Variants in ARHGEF38 observed in about 807,000 individuals in gnomAD.
ARHGEF38 encodes the protein Rho guanine nucleotide exchange factor 38.
In ARHGEF38, 79 loss-of-function variants were observed where a neutral mutation model predicts 79.9. That is an observed-to-expected ratio of 0.99 (90% CI 0.82 to 1.19). ARHGEF38 has a LOEUF of 1.19. Ranked by LOEUF, ARHGEF38 falls within the 50% of genes most tolerant of loss-of-function variation. The pLI is 0.00. For synonymous variants in ARHGEF38, 366 were observed against 328.3 expected (o/e 1.11, Z -1.24); for missense variants, 962 against 907.2 (o/e 1.06, Z -0.78).
chr4:105,602,367 C>T (rs1727861101), intron 2 of ARHGEF38, among the ~76,000 whole-genome samples: 2 of 151,970 alleles, frequency 1.3e-5, no homozygotes, highest in African/African-American at 4.8e-5. Flanking sequence ...TGTTTTAAAA[C>T]AGAGGAATTT....
At chr4:105,631,214 T>G in intron 4 of ARHGEF38, 169 bp downstream of exon 4, 1 of 1,261,406 alleles carries the variant, frequency 7.9e-7, no homozygotes, top group Non-Finnish European at 1.0e-6. Context: ...GAAGCCCTGA[T>G]TGACTTTTTT....
intron 1 of ARHGEF38, among the ~76,000 whole-genome samples, chr4:105,576,350 A>G (rs1578270256): frequency 6.6e-6 from 1 of 150,430 alleles, no homozygotes; most frequent in African/African-American, 2.4e-5. Flanking sequence ...TTCTCTTTGT[A>G]GAGAATTTTC....
chr4:105,619,757 A>G (rs942311047), intron 3 of ARHGEF38, among the ~76,000 whole-genome samples: 1 of 152,210 alleles, frequency 6.6e-6, no homozygotes, highest in Admixed American at 6.5e-5. Context: ...AGTGCCGAGA[A>G]GGCCTCTCTG....
rs1731182679 is a variant in ARHGEF38 at position 105,678,062 on chromosome 4, G to T, written c.*125G>T. On this transcript the variant is annotated 3_prime_UTR_variant, in exon 14 of 14. Transcript: ENST00000420470. ...GAACTACAGAAACTGATACTGTACT[G>T]GGTTTTCAGGAATACTGTACTTCCT... is the stretch of plus-strand genomic sequence containing the variant. 7.1e-6 allele frequency: 5 copies of T among 702,634 alleles called. No homozygotes were observed. In the Admixed American group the frequency reaches 9.9e-5, roughly 14 times the overall value. The allele number at this position is 702,634 out of a possible 1,614,324, so 43.5% of individuals were successfully genotyped here. A position where few individuals can be genotyped will look rare whatever the true frequency, so the allele number is the denominator to read the frequency against.
intron 9 of ARHGEF38, among the ~76,000 whole-genome samples, chr4:105,658,186 T>C (rs1468008529): frequency 1.3e-5 from 2 of 152,078 alleles, no homozygotes; most frequent in Admixed American, 1.3e-4. Context: ...GGTGAGAGGA[T>C]TGCTTGAGCC....
intron 2 of ARHGEF38, among the ~76,000 whole-genome samples, chr4:105,604,100 G>A (rs1003672245): frequency 2.6e-5 from 4 of 152,244 alleles, no homozygotes; most frequent in African/African-American, 4.8e-5. Context: ...AGTGCCATGC[G>A]GCAGGAGGCA....
chr4:105,576,331 G>A (rs1012177570), intron 1 of ARHGEF38, among the ~76,000 whole-genome samples: 7 of 150,100 alleles, frequency 4.7e-5, no homozygotes, highest in South Asian at 2.1e-4. Flanking sequence ...TTTCAGCAGT[G>A]TTTTGTAGTT....
At chr4:105,555,560 C>T (rs1252745690) in intron 1 of ARHGEF38, among the ~76,000 whole-genome samples, 1 of 151,958 alleles carries the variant, frequency 6.6e-6, no homozygotes, top group Non-Finnish European at 1.5e-5. Context: ...ACTGGTGGTC[C>T]CTGGGAGGCA....
intron 1 of ARHGEF38, among the ~76,000 whole-genome samples, chr4:105,577,999 C>T (rs995808507): frequency 1.3e-5 from 2 of 151,860 alleles, no homozygotes; most frequent in Non-Finnish European, 2.9e-5. Context: ...TCTCTAGTTC[C>T]TTAAGGTGTA....
At chr4:105,556,460 A>G (rs1260418924) in intron 1 of ARHGEF38, among the ~76,000 whole-genome samples, 3 of 152,178 alleles carry the variant, frequency 2.0e-5, no homozygotes, top group East Asian at 3.8e-4. Flanking sequence ...TCAGGACTGC[A>G]TGAAGGAGGT....
At chr4:105,622,001 A>G (rs1432574673) in intron 3 of ARHGEF38, among the ~76,000 whole-genome samples, 1 of 152,172 alleles carries the variant, frequency 6.6e-6, no homozygotes, top group Non-Finnish European at 1.5e-5. Flanking sequence ...CCTCACAAGA[A>G]AGAAAAAATC....
At chr4:105,655,311 T>G (rs1730276022) in intron 8 of ARHGEF38, among the ~76,000 whole-genome samples, 1 of 152,128 alleles carries the variant, frequency 6.6e-6, no homozygotes, top group South Asian at 2.1e-4. Context: ...AATAAGAAAT[T>G]TGTAAGAATT....
At chr4:105,657,097 T>C (rs1303928795) in intron 9 of ARHGEF38, among the ~76,000 whole-genome samples, 2 of 152,330 alleles carry the variant, frequency 1.3e-5, no homozygotes, top group South Asian at 2.1e-4. Context: ...ATATGTTTAA[T>C]GGAAAAGGTG....
chr4:105,588,324 C>T (rs1202060115), intron 1 of ARHGEF38, among the ~76,000 whole-genome samples: 1 of 152,210 alleles, frequency 6.6e-6, no homozygotes, highest in Non-Finnish European at 1.5e-5. Flanking sequence ...ATAATTACTT[C>T]TGCAACTGCA....
At chr4:105,556,810 C>A (rs944156170) in intron 1 of ARHGEF38, among the ~76,000 whole-genome samples, 1 of 151,960 alleles carries the variant, frequency 6.6e-6, no homozygotes, top group Non-Finnish European at 1.5e-5. Context: ...GAAATAAGAG[C>A]CATTGTATTT....
At chr4:105,578,937 A>G (rs1260997790) in intron 1 of ARHGEF38, among the ~76,000 whole-genome samples, 1 of 152,108 alleles carries the variant, frequency 6.6e-6, no homozygotes, top group Non-Finnish European at 1.5e-5. Context: ...TTCATTTATC[A>G]TGTCATTGTT....
intron 1 of ARHGEF38, among the ~76,000 whole-genome samples, chr4:105,571,384 G>T (rs571685656): frequency 7.4e-6 from 1 of 135,182 alleles, no homozygotes; most frequent in South Asian, 2.3e-4. Context: ...GTGCAATGGC[G>T]CAATCTTGGC....
chr4:105,599,005 C>A (rs1413669977), intron 2 of ARHGEF38, among the ~76,000 whole-genome samples: 1 of 152,188 alleles, frequency 6.6e-6, no homozygotes, highest in East Asian at 1.9e-4. Flanking sequence ...CACTTACTTT[C>A]CCATTTTCCC....
At chr4:105,655,865 AT>A (rs1354981339) in intron 9 of ARHGEF38, 143 bp downstream of exon 9, 5 of 959,888 alleles carry the variant, frequency 5.2e-6, no homozygotes, top group East Asian at 5.7e-5. Flanking sequence ...TTTAAATGGG[AT>A]TTTTTTAAAT....
Sources: gnomAD v4.1 joint callset for allele counts (sites outside exome capture counted in the v4.1 genomes callset) on GRCh38, gnomAD v4.1.1 for gene constraint, MANE v1.5 for transcripts, NCBI Gene and HGNC (gene_info 2026-07-23, HGNC 2026-07-21) for gene names.